The following MYBPC1 variants were observed in gnomAD, a reference collection of about 807,000 sequenced individuals.
The protein encoded by MYBPC1 is myosin-binding protein C, slow-type.
MYBPC1 carries 52 observed loss-of-function variants against 147.1 expected under a neutral mutation model. The ratio of observed to expected loss-of-function variants is 0.35; its 90% CI spans 0.28 to 0.45. The LOEUF is 0.45. Ranked by LOEUF, MYBPC1 falls within the 20% of genes least tolerant of loss-of-function variation. The pLI is 1.00. For missense variants in MYBPC1, 1,228 were observed against 1,440.3 expected (o/e 0.85, Z 2.39); for synonymous variants, 477 against 475.9 (o/e 1.00, Z -0.03).
chr12:101,655,505 AG>A (rs1346967155), intron 18 of MYBPC1, among the ~76,000 whole-genome samples: 3 of 152,240 alleles, frequency 2.0e-5, no homozygotes, highest in Non-Finnish European at 4.4e-5. Context: ...TAATCAGCTT[AG>A]AAGTTGCCAC....
the MYBPC1 span, among the ~76,000 whole-genome samples, chr12:101,691,860 C>G: frequency 1.7e-3 from 262 of 151,288 alleles, 1 homozygote; most frequent in African/African-American, 5.6e-3. Flanking sequence ...GTCTGACACT[C>G]TATGACCTGG....
intron 18 of MYBPC1, among the ~76,000 whole-genome samples, chr12:101,657,669 T>A (rs910742511): frequency 3.3e-5 from 5 of 152,214 alleles, no homozygotes; most frequent in African/African-American, 1.2e-4. Flanking sequence ...AGAAAAGGAT[T>A]ATCTCTATTA....
chr12:101,673,327 T>C, intron 24 of MYBPC1, 100 bp from the exon 25 acceptor site: 1 of 1,237,822 alleles, frequency 8.1e-7, no homozygotes, highest in Non-Finnish European at 1.2e-6. Flanking sequence ...TTTCCAGCCC[T>C]GCCTAGAATG....
intron 11 of MYBPC1, among the ~76,000 whole-genome samples, chr12:101,643,706 T>C (rs1293517313): frequency 6.6e-6 from 1 of 152,178 alleles, no homozygotes; most frequent in Non-Finnish European, 1.5e-5. Context: ...AAAAAAGAAG[T>C]TAACTATCTT....
chr12:101,673,612 C>T lies in MYBPC1; in HGVS notation c.2799C>T (p.Ile933=). ...DKFVETASID[I]QIIDRPGPPQ... ...TCGTGGAGACCGCATCAATTGACATCCAGATCATTGGTAGGTTTAGATGAA... is the reference window on the plus strand; with the variant it reads ...TCGTGGAGACCGCATCAATTGACATTCAGATCATTGGTAGGTTTAGATGAA... The change falls in exon 25 of 32, where the codon ATC becomes ATT. Residue 933 remains isoleucine (I), a synonymous_variant. Transcript: ENST00000361466. The T allele has an allele frequency of 6.2e-7, 1 of 1,614,144 alleles. No individual in the cohort carries two copies. The highest frequency in any genetic ancestry group is 8.5e-7 in the Non-Finnish European group (1 of 1,179,998).
Position 101,642,489 on chromosome 12 carries a change from G to A in MYBPC1, c.736G>A (p.Glu246Lys). The change falls in exon 11 of 32, where the codon GAG (glutamate) becomes AAG (lysine). Residue 246 changes from glutamate (E) to lysine (K), a missense_variant. By Grantham distance (56) the Glu-to-Lys change is moderately conservative. Coordinates refer to ENST00000361466, the MANE Select transcript of MYBPC1 (RefSeq NM_002465.4). ...WELLKNAKPS[E>K]YEKIAFQYGI... is the part of the protein sequence containing the mutation. ...GTTGCTGAAGAACGCGAAACCCAGT[G>A]AGTACGAGAAGATCGCCTTCCAGTA... 1 of 1,614,062 alleles carries A rather than the reference G, an allele frequency of 6.2e-7. No homozygotes were observed.
intron 8 of MYBPC1, among the ~76,000 whole-genome samples, chr12:101,633,596 A>C (rs924249265): frequency 1.3e-5 from 2 of 151,612 alleles, no homozygotes; most frequent in African/African-American, 2.4e-5. Flanking sequence ...CTGAGGCAGG[A>C]GAATCGCTTG....
At chr12:101,669,695 G>A (rs1898149042) in intron 23 of MYBPC1, among the ~76,000 whole-genome samples, 4 of 152,092 alleles carry the variant, frequency 2.6e-5, no homozygotes, top group African/African-American at 9.7e-5. Context: ...CCAGCACTTT[G>A]GGAGACTAAG....
intron 7 of MYBPC1, 117 bp from the exon 8 acceptor site, chr12:101,631,904 C>G: frequency 7.8e-7 from 1 of 1,276,950 alleles, no homozygotes; most frequent in Non-Finnish European, 1.1e-6. Flanking sequence ...ACACATTTGC[C>G]CTCCTATAGT....
At chr12:101,673,243 A>G (rs1899113300) in intron 24 of MYBPC1, among the ~76,000 whole-genome samples, 184 bp from the exon 25 acceptor site, 1 of 152,242 alleles carries the variant, frequency 6.6e-6, no homozygotes, top group Non-Finnish European at 1.5e-5. Flanking sequence ...TACCTAAGGT[A>G]GTGCCTTGCA....
intron 13 of MYBPC1, chr12:101,647,097 C>T (rs1051803356): frequency 5.1e-6 from 3 of 592,536 alleles, no homozygotes; most frequent in African/African-American, 3.7e-5. Context: ...TCAAGCCAAG[C>T]ACTATCTTGC....
At chr12:101,628,476 T>C (rs1353328858) in intron 5 of MYBPC1, among the ~76,000 whole-genome samples, 3 of 152,226 alleles carry the variant, frequency 2.0e-5, no homozygotes, top group Admixed American at 6.5e-5. Flanking sequence ...GATGGCCTAC[T>C]ACTACAGATA....
At chr12:101,681,949 C>G (rs6539007) in intron 29 of MYBPC1, among the ~76,000 whole-genome samples, 1 of 151,732 alleles carries the variant, frequency 6.6e-6, no homozygotes, top group Admixed American at 6.6e-5. Flanking sequence ...TTCTTTCTTT[C>G]ACAATTCATA....
chr12:101,595,237 A>G (rs930505124), intron 1 of MYBPC1, 142 bp downstream of exon 1: 7 of 803,260 alleles, frequency 8.7e-6, no homozygotes, highest in Non-Finnish European at 1.2e-5. Flanking sequence ...TTTTAGATTA[A>G]ACAGACCAGA....
At chr12:101,620,234 C>T (rs1437397909) in intron 3 of MYBPC1, among the ~76,000 whole-genome samples, 1 of 152,188 alleles carries the variant, frequency 6.6e-6, no homozygotes, top group Admixed American at 6.5e-5. Flanking sequence ...AGGAATCATA[C>T]CAGGAGGCAA....
Position 101,677,238 on chromosome 12 carries a change from T to A in MYBPC1, c.2953T>A (p.Trp985Arg). 1 of 1,613,048 alleles carries A rather than the reference T, an allele frequency of 6.2e-7. No homozygotes were observed. The highest frequency in any genetic ancestry group is 8.5e-7 in the Non-Finnish European group (1 of 1,179,188). Residue 985 changes from tryptophan to arginine, a missense_variant, in exon 27 of 32, where the codon TGG (tryptophan) becomes AGG (arginine). Physicochemically the swap from Trp to Arg is moderately radical, Grantham distance 101. Coordinates refer to ENST00000361466, the MANE Select transcript of MYBPC1 (RefSeq NM_002465.4). ...IQKADKKSME[W>R]FTVIEHYHRT... ...TTATTATTTTTTTTTCTTTTAGGAA[T>A]GGTTTACTGTCATTGAGCATTATCA...
intron 3 of MYBPC1, among the ~76,000 whole-genome samples, chr12:101,624,250 T>G (rs1888050696): frequency 6.6e-6 from 1 of 152,170 alleles, no homozygotes; most frequent in Non-Finnish European, 1.5e-5. Flanking sequence ...TTAGTAATTT[T>G]ATTAAAAAGT....
chr12:101,618,991 C>A (rs548911050), intron 3 of MYBPC1, among the ~76,000 whole-genome samples: 1 of 151,788 alleles, frequency 6.6e-6, no homozygotes, highest in East Asian at 1.9e-4. Flanking sequence ...AAAGTGACAT[C>A]CCTAAATAAA....
Position 101,682,613 on chromosome 12 carries a change from A to G in MYBPC1, c.3443A>G (p.Gln1148Arg). The G allele has an allele frequency of 1.2e-6, 2 of 1,612,862 alleles. No homozygotes were observed. Among genetic ancestry groups the G allele is most frequent in the Non-Finnish European group, 1.7e-6 (2 of 1,178,896 alleles). Residue 1148 changes from glutamine (Q) to arginine (R), a missense_variant, in exon 30 of 32, where the codon CAA (glutamine) becomes CGA (arginine). Physicochemically the swap from Gln to Arg is conservative, Grantham distance 43. Transcript: ENST00000361466. ...ECKLEVKVIY[Q>R]GVNTPGQPVF... Reference sequence around the variant, plus strand: ...TATTCTGATTCTGCAGTGATATATCAAGGAGTAAATACCCCTGGACAACCA... The same window carrying G: ...TATTCTGATTCTGCAGTGATATATCGAGGAGTAAATACCCCTGGACAACCA...
Sources: gnomAD v4.1 joint callset for allele counts (sites outside exome capture counted in the v4.1 genomes callset) on GRCh38, gnomAD v4.1.1 for gene constraint, MANE v1.5 for transcripts, NCBI Gene and HGNC (gene_info 2026-07-23, HGNC 2026-07-21) for gene names.